SYT6: variants seen among roughly 807,000 people sequenced by gnomAD.
The protein encoded by SYT6 is synaptotagmin 6, also known as synaptotagmin-6.
Under a neutral mutation model 38.4 loss-of-function variants are expected in SYT6, and 24 were observed. The observed-to-expected ratio is 0.62, with a 90% CI of 0.45 to 0.88. The LOEUF (loss-of-function observed/expected upper bound fraction) is 0.88, where lower values mean the gene tolerates loss of function less well. SYT6 is among the 40% of genes least tolerant of loss of function. The probability of loss-of-function intolerance (pLI) is 0.00; values close to 1 mark genes in which losing one functional copy is unlikely to be tolerated. For missense variants in SYT6, 611 were observed against 621.0 expected, an observed-to-expected ratio of 0.98 and a Z score of 0.17; for synonymous variants, 265 against 241.9, an observed-to-expected ratio of 1.10 and a Z score of -0.89.
chr1:114,129,641 CTCTTTCTTTCTTTTTCTT>C (rs1678014886), intron 3 of SYT6, among the ~76,000 whole-genome samples: 1 of 54,510 alleles, frequency 1.8e-5, no homozygotes, highest in Non-Finnish European at 3.8e-5. Flanking sequence ...TTCTTTCTTT[CTCTTTCTTTCTTTTTCTT>C]TCTTTCTTTC....
At chr1:114,119,104 A>C (rs1238398644) in intron 3 of SYT6, among the ~76,000 whole-genome samples, 3 of 152,208 alleles carry the variant, frequency 2.0e-5, no homozygotes, top group African/African-American at 7.2e-5. Flanking sequence ...TTCTGCAGTT[A>C]GTAGTTGAAG....
At chr1:114,121,405 C>T (rs1348192235) in intron 3 of SYT6, among the ~76,000 whole-genome samples, 1 of 152,178 alleles carries the variant, frequency 6.6e-6, no homozygotes. Flanking sequence ...CATTTGCAGG[C>T]CCAACCCAGC....
At chr1:114,100,955 T>A (rs1675934841) in intron 4 of SYT6, among the ~76,000 whole-genome samples, 1 of 152,150 alleles carries the variant, frequency 6.6e-6, no homozygotes, top group Non-Finnish European at 1.5e-5. Context: ...GATTTCCATA[T>A]CATGAGGCTT....
intron 3 of SYT6, among the ~76,000 whole-genome samples, chr1:114,130,477 C>T (rs956645090): frequency 6.6e-6 from 1 of 152,166 alleles, no homozygotes; most frequent in Admixed American, 6.5e-5. Context: ...CCCTCTTTCT[C>T]CTTCATCCTG....
chr1:114,095,877 G>T (rs1009083074), intron 6 of SYT6, among the ~76,000 whole-genome samples: 14 of 152,148 alleles, frequency 9.2e-5, no homozygotes, highest in Middle Eastern at 3.4e-3. Flanking sequence ...AGCCAGGACG[G>T]TCTCAATCTC....
chr1:114,124,039 G>A (rs190958163), intron 3 of SYT6, among the ~76,000 whole-genome samples: 1 of 152,190 alleles, frequency 6.6e-6, no homozygotes, highest in Non-Finnish European at 1.5e-5. Context: ...TGCAGAACTG[G>A]GAGGGTTGAG....
Position 114,139,837 on chromosome 1 carries a change from G to A in SYT6, c.290C>T (p.Ser97Phe). 1 of 1,591,284 alleles carries A rather than the reference G, an allele frequency of 6.3e-7. No individual in the cohort carries two copies. The highest frequency in any genetic ancestry group is 2.2e-5 in the East Asian group (1 of 44,658). Residue 97 changes from serine to phenylalanine, a missense_variant, in exon 2 of 8, where the codon TCT becomes TTT. Coordinates refer to ENST00000610222, the MANE Select transcript of SYT6 (RefSeq NM_001253772.2). The part of the protein sequence containing the change: ...PWRNKEASSP[S>F]SANPPLEALQ... ...GGCTTCCAAGGGGGGATTAGCAGAA[G>A]AGGGACTGGAGGCCTCCTTGTTCCT...
intron 3 of SYT6, 148 bp downstream of exon 3, chr1:114,137,347 C>T (rs1182620072): frequency 3.4e-6 from 3 of 881,812 alleles, no homozygotes; most frequent in Non-Finnish European, 5.1e-6. Context: ...CAAGGGTAGA[C>T]TGGGCCACTG....
intron 3 of SYT6, among the ~76,000 whole-genome samples, chr1:114,104,286 T>A (rs1259213005): frequency 6.6e-6 from 1 of 152,250 alleles, no homozygotes; most frequent in Non-Finnish European, 1.5e-5. Context: ...TCCCATCTGA[T>A]GGCAAGTGTT....
intron 3 of SYT6, among the ~76,000 whole-genome samples, chr1:114,110,008 C>T (rs575728099): frequency 2.0e-4 from 31 of 152,316 alleles, no homozygotes; most frequent in Non-Finnish European, 2.5e-4. Context: ...ATGGTGATGA[C>T]AGGGGCGGAG....
At position 114,137,528 on chromosome 1, in the gene SYT6, G is replaced by A. The variant is rs770639107; in HGVS notation, c.1038C>T (p.Thr346=). Residue 346 remains threonine (T), a synonymous_variant, in exon 3 of 8, where the codon ACC becomes ACT. Transcript: ENST00000610222. ...CATATTGGATATCCTTCCAGATGGA[G>A]GTTTCCCGAGACAGGTCAGAGGCCT... The part of the protein sequence containing the change: ...LFEASDLSRE[T]SIWKDIQYAT... 6.2e-7 allele frequency: 1 copy of A among 1,614,018 alleles called. No homozygotes were observed. Among genetic ancestry groups the A allele is most frequent in the Non-Finnish European group, 8.5e-7 (1 of 1,179,876 alleles).
intron 2 of SYT6, 76 bp downstream of exon 2, chr1:114,139,539 C>G: frequency 6.3e-7 from 1 of 1,574,912 alleles, no homozygotes; most frequent in African/African-American, 1.3e-5. Context: ...GTGATCCCCA[C>G]AGGCTGGAAT....
chr1:114,137,729 G>T lies in SYT6; in HGVS notation c.837C>A (p.Cys279Ter). Residue 279 changes from cysteine to a stop codon, truncating the protein, a stop_gained, in exon 3 of 8, where the codon TGC (cysteine) becomes TGA (stop). Transcript: ENST00000610222. LOFTEE classifies it high-confidence loss of function. ...VKIYLLPDRK[C>*]KLQTRVHRKT... ...TGCGGTGCACCCGGGTCTGCAGCTT[G>T]CATTTGCGGTCAGGCAGGAGGTAGA... 1 of 1,614,190 alleles carries T rather than the reference G, an allele frequency of 6.2e-7. No homozygotes were observed. The highest frequency in any genetic ancestry group is 8.5e-7 in the Non-Finnish European group (1 of 1,180,034).
chr1:114,132,758 A>G (rs188124255), intron 3 of SYT6, among the ~76,000 whole-genome samples: 39 of 152,314 alleles, frequency 2.6e-4, no homozygotes, highest in African/African-American at 9.1e-4. Context: ...CACCAGAGGA[A>G]TAGGGCTCAG....
chr1:114,100,167 A>G (rs1430878619), intron 4 of SYT6, among the ~76,000 whole-genome samples: 1 of 152,122 alleles, frequency 6.6e-6, no homozygotes, highest in Non-Finnish European at 1.5e-5. Flanking sequence ...AACCTAGTGT[A>G]TCTCATAGCA....
chr1:114,095,682 A>G (rs1240561563), intron 6 of SYT6, among the ~76,000 whole-genome samples: 6 of 147,068 alleles, frequency 4.1e-5, no homozygotes, highest in Non-Finnish European at 6.0e-5. Context: ...TTTTTTTGAG[A>G]TGGAGTCTCG....
rs1051935997 is a variant in SYT6, at chr1:114,131,337, C to T, written c.1071+6158G>A. Among the ~76,000 whole-genome samples the T allele has an allele frequency of 1.2e-4, 19 of 152,334 alleles. No homozygotes were observed. In the East Asian group the frequency reaches 3.5e-3, roughly 28 times the overall value. ...TCCAAAGAGAACAGAGGAACATACT[C>T]GCCCTCCTCTGACTTCCTCTTTTAT... is the stretch of plus-strand genomic sequence containing the variant. On this transcript the variant is annotated intron_variant, in intron 3 of 7. Coordinates refer to ENST00000610222, the MANE Select transcript of SYT6 (RefSeq NM_001253772.2).
rs576315288 is a variant in SYT6, at chr1:114,141,740, G to T, written c.164-1777C>A. On this transcript the variant is annotated intron_variant, in intron 1 of 7. Coordinates refer to ENST00000610222, the MANE Select transcript of SYT6 (RefSeq NM_001253772.2). ...AATGCCTGGCTTCAAAATTTCAAAG[G>T]ACAGGCTGACTCTCTTTTTAGGGGC... 3.3e-5 allele frequency among the ~76,000 whole-genome samples: 5 copies of T among 152,316 alleles called. No homozygotes were observed. In the South Asian group the frequency reaches 1.0e-3, roughly 32 times the overall value.
At chr1:114,119,335 C>T (rs1217787159) in intron 3 of SYT6, among the ~76,000 whole-genome samples, 1 of 152,196 alleles carries the variant, frequency 6.6e-6, no homozygotes, top group Non-Finnish European at 1.5e-5. Context: ...GGATGCAAGG[C>T]CAGGGTTCAG....
Sources: allele counts gnomAD v4.1 joint callset (sites outside exome capture counted in the v4.1 genomes callset), GRCh38; gene constraint gnomAD v4.1.1; transcripts MANE v1.5; gene names NCBI Gene and HGNC (gene_info 2026-07-23, HGNC 2026-07-21).